AGBL4: variants seen among roughly 807,000 people sequenced by gnomAD.
The protein encoded by AGBL4 is AGBL carboxypeptidase 4, also known as cytosolic carboxypeptidase 6.
Under a neutral mutation model 66.4 loss-of-function variants are expected in AGBL4, and 58 were observed. The observed-to-expected ratio is 0.87, with a 90% CI of 0.71 to 1.09. The LOEUF (loss-of-function observed/expected upper bound fraction) is 1.09, where lower values mean the gene tolerates loss of function less well. Among genes scored for constraint, AGBL4 ranks in the 50% least tolerant of loss-of-function variants. The probability of loss-of-function intolerance (pLI) is 0.00; values close to 1 mark genes in which losing one functional copy is unlikely to be tolerated. For missense variants in AGBL4, 579 were observed against 631.0 expected (o/e 0.92, Z 0.88); for synonymous variants, 234 against 222.9 (o/e 1.05, Z -0.44).
At chr1:48,531,205 T>C (rs4926741), downstream of AGBL4, among the ~76,000 whole-genome samples, 34,971 of 136,652 alleles carry the variant, frequency 0.26, 4,433 homozygotes, top group Middle Eastern at 0.38. Flanking sequence ...CAGCTTTTTT[T>C]TTTCTCTCTC....
chr1:48,554,837 A>C (rs1001277845), intron 11 of AGBL4, among the ~76,000 whole-genome samples: 3 of 152,208 alleles, frequency 2.0e-5, no homozygotes, highest in Admixed American at 2.0e-4. Flanking sequence ...GTTAGGACTT[A>C]AACTCGGGTC....
intron 6 of AGBL4, among the ~76,000 whole-genome samples, chr1:48,839,154 G>A (rs1476225189): frequency 6.6e-6 from 1 of 152,006 alleles, no homozygotes; most frequent in South Asian, 2.1e-4. Context: ...AATAACATAC[G>A]ATCCAGCAAT....
intron 6 of AGBL4, among the ~76,000 whole-genome samples, chr1:48,816,120 CACAG>C (rs1259262472): frequency 6.6e-6 from 1 of 151,316 alleles, no homozygotes; most frequent in African/African-American, 2.4e-5. Flanking sequence ...GACAGACAGA[CACAG>C]ACAGACAGAG....
Position 49,921,151 on chromosome 1 carries a change from A to G in AGBL4, c.35-69633T>C, listed in dbSNP as rs1652191630. 2.0e-5 allele frequency among the ~76,000 whole-genome samples: 3 copies of G among 152,168 alleles called. No individual in the cohort carries two copies. The South Asian group carries it at 6.2e-4, about 32-fold the overall frequency. On this transcript the variant is annotated intron_variant, in intron 1 of 13. Transcript: ENST00000371839. ...ATATACCTAACGTAAATGATGAGTTAATGGGTGCAGCACACCAACATGGCA... is the reference window on the plus strand; with the variant it reads ...ATATACCTAACGTAAATGATGAGTTGATGGGTGCAGCACACCAACATGGCA...
At chr1:49,163,493 C>T (rs1473950290) in intron 4 of AGBL4, among the ~76,000 whole-genome samples, 1 of 152,114 alleles carries the variant, frequency 6.6e-6, no homozygotes, top group Non-Finnish European at 1.5e-5. Context: ...TATGGTTGAC[C>T]ACATTATATT....
chr1:48,934,045 G>C (rs1655254767), intron 5 of AGBL4, among the ~76,000 whole-genome samples: 2 of 152,126 alleles, frequency 1.3e-5, no homozygotes, highest in African/African-American at 4.8e-5. Flanking sequence ...AGCCTATTTT[G>C]GTAAGTGCCT....
chr1:48,570,323 G>A (rs1307157505), intron 11 of AGBL4, among the ~76,000 whole-genome samples: 1 of 152,228 alleles, frequency 6.6e-6, no homozygotes, highest in Non-Finnish European at 1.5e-5. Context: ...TTGGAGAGAG[G>A]GGTCTGTCCC....
intron 6 of AGBL4, among the ~76,000 whole-genome samples, chr1:48,724,955 A>T (rs1303336635): frequency 1.3e-5 from 2 of 152,194 alleles, no homozygotes; most frequent in Non-Finnish European, 2.9e-5. Flanking sequence ...CTGGCCTGGC[A>T]CAAGAATCCA....
intron 6 of AGBL4, among the ~76,000 whole-genome samples, chr1:48,796,435 G>A (rs1645675599): frequency 6.6e-6 from 1 of 152,156 alleles, no homozygotes; most frequent in South Asian, 2.1e-4. Context: ...AAAAACTGAT[G>A]AATCTAGTGG....
intron 6 of AGBL4, among the ~76,000 whole-genome samples, chr1:48,709,397 G>GTGTATA (rs1479985868): frequency 1.3e-5 from 2 of 152,076 alleles, no homozygotes; most frequent in African/African-American, 4.8e-5. Context: ...CAACAGATAT[G>GTGTATA]CTACACACCT....
intron 9 of AGBL4, among the ~76,000 whole-genome samples, chr1:48,600,898 C>T (rs1367129274): frequency 6.6e-6 from 1 of 152,194 alleles, no homozygotes; most frequent in Non-Finnish European, 1.5e-5. Flanking sequence ...TTCTGCATCT[C>T]CTAGAGATCC....
intron 4 of AGBL4, among the ~76,000 whole-genome samples, chr1:49,114,889 C>T (rs1557652542): frequency 6.6e-6 from 1 of 152,082 alleles, no homozygotes; most frequent in African/African-American, 2.4e-5. Flanking sequence ...CATCAAAGAT[C>T]ACTGATTACA....
intron 1 of AGBL4, among the ~76,000 whole-genome samples, chr1:49,932,735 T>A (rs949510091): frequency 3.3e-5 from 5 of 151,964 alleles, no homozygotes; most frequent in Admixed American, 6.6e-5. Context: ...GAAACATTGA[T>A]GAAAAAACAA....
At chr1:48,853,833 A>G (rs1301503746) in intron 6 of AGBL4, among the ~76,000 whole-genome samples, 5 of 152,144 alleles carry the variant, frequency 3.3e-5, no homozygotes, top group Admixed American at 6.5e-5. Flanking sequence ...CTGATGCCCC[A>G]TAAGTGTAGA....
chr1:49,311,299 T>C (rs1009327466), intron 3 of AGBL4, among the ~76,000 whole-genome samples: 8 of 152,058 alleles, frequency 5.3e-5, no homozygotes, highest in Non-Finnish European at 7.4e-5. Context: ...TCAGATCTTA[T>C]GACTTCAAGA....
chr1:49,646,626 A>G (rs980903385), intron 3 of AGBL4, among the ~76,000 whole-genome samples: 5 of 151,996 alleles, frequency 3.3e-5, no homozygotes, highest in African/African-American at 1.2e-4. Context: ...CTGTAGATTC[A>G]GTGCAATCCC....
At chr1:48,832,477 C>T (rs753723160) in intron 6 of AGBL4, among the ~76,000 whole-genome samples, 3 of 152,068 alleles carry the variant, frequency 2.0e-5, no homozygotes, top group South Asian at 2.1e-4. Context: ...TCAAGGTACT[C>T]GCTAGGTTGT....
chr1:48,776,654 C>A, intron 6 of AGBL4: 1 of 1,491,818 alleles, frequency 6.7e-7, no homozygotes, highest in South Asian at 1.3e-5. Context: ...GCGCCCCAGT[C>A]GCGGGGGGCG....
chr1:48,660,647 A>G (rs1460880039), intron 7 of AGBL4, among the ~76,000 whole-genome samples: 1 of 152,236 alleles, frequency 6.6e-6, no homozygotes, highest in East Asian at 1.9e-4. Flanking sequence ...CACTGCCTCA[A>G]GGAAGTATGA....
Sources: allele counts gnomAD v4.1 joint callset (sites outside exome capture counted in the v4.1 genomes callset), GRCh38; gene constraint gnomAD v4.1.1; transcripts MANE v1.5; gene names NCBI Gene and HGNC (gene_info 2026-07-23, HGNC 2026-07-21).